Variants in BTBD7 observed in about 807,000 individuals in gnomAD.
BTBD7 encodes BTB/POZ domain-containing protein 7.
BTBD7 carries 38 observed loss-of-function variants against 99.9 expected under a neutral mutation model. The observed-to-expected ratio is 0.38, with a 90% CI of 0.29 to 0.50. The LOEUF (loss-of-function observed/expected upper bound fraction) is 0.50. BTBD7 is among the 20% of genes least tolerant of loss of function. BTBD7 has a pLI of 0.93. For synonymous variants in BTBD7, 520 were observed against 511.4 expected (o/e 1.02, Z -0.23); for missense variants, 1,170 against 1,394.6 (o/e 0.84, Z 2.57).
At chr14:93,279,058 G>T (rs1243950513) in intron 3 of BTBD7, among the ~76,000 whole-genome samples, 1 of 152,216 alleles carries the variant, frequency 6.6e-6, no homozygotes, top group African/African-American at 2.4e-5. Flanking sequence ...ACTTACAGCA[G>T]AATGTATGTA....
intron 9 of BTBD7, among the ~76,000 whole-genome samples, chr14:93,247,742 G>A (rs1037599345): frequency 6.6e-6 from 1 of 152,186 alleles, no homozygotes; most frequent in African/African-American, 2.4e-5. Flanking sequence ...TTTATTTAAG[G>A]CTCTGATTTA....
intron 5 of BTBD7, among the ~76,000 whole-genome samples, chr14:93,261,104 T>TG (rs201615270): frequency 0.012 from 1,897 of 152,348 alleles, 19 homozygotes; most frequent in Middle Eastern, 0.031. Context: ...TTGGCCAGGC[T>TG]GGTCTCAAAC....
intron 1 of BTBD7, among the ~76,000 whole-genome samples, chr14:93,319,381 T>C (rs1029328931): frequency 5.3e-5 from 8 of 152,154 alleles, no homozygotes; most frequent in African/African-American, 1.9e-4. Context: ...TAAATATCCA[T>C]TGACAGATGA....
intron 3 of BTBD7, among the ~76,000 whole-genome samples, chr14:93,279,684 A>G (rs993448790): frequency 3.6e-4 from 55 of 152,142 alleles, no homozygotes; most frequent in African/African-American, 1.3e-3. Context: ...AGCAGCTGGG[A>G]TTACAGGTGC....
At chr14:93,328,497 A>G (rs933974393) in intron 1 of BTBD7, among the ~76,000 whole-genome samples, 1 of 152,036 alleles carries the variant, frequency 6.6e-6, no homozygotes, top group African/African-American at 2.4e-5. Flanking sequence ...TGCCAAGACC[A>G]TTTAATGGGA....
intron 1 of BTBD7, among the ~76,000 whole-genome samples, chr14:93,325,370 C>A (rs960026870): frequency 1.3e-5 from 2 of 152,018 alleles, no homozygotes; most frequent in Non-Finnish European, 2.9e-5. Context: ...TCAGGTGATC[C>A]GCCCACCTCA....
At chr14:93,247,957 G>T (rs745496683) in intron 9 of BTBD7, among the ~76,000 whole-genome samples, 2 of 152,200 alleles carry the variant, frequency 1.3e-5, no homozygotes, top group African/African-American at 4.8e-5. Flanking sequence ...AAACGAAAGT[G>T]GGCATGTGAA....
In BTBD7 at chr14:93,287,182, T is replaced by C. The variant is rs554777290; in HGVS notation, c.1162+6676A>G. Among the ~76,000 whole-genome samples the C allele has an allele frequency of 7.6e-4, 114 of 150,842 alleles. 1 individual carries two copies. The highest frequency in any genetic ancestry group is 2.9e-3 in the East Asian group (15 of 5,132). Reference sequence around the variant, plus strand: ...AGGCAGAGGTTGCAATGAGCCAAGATTGGGCCATTGCACTCTAGCCTGGGC... The same window carrying C: ...AGGCAGAGGTTGCAATGAGCCAAGACTGGGCCATTGCACTCTAGCCTGGGC... On this transcript the variant is annotated intron_variant, in intron 3 of 10. Transcript: ENST00000334746.
rs1222080094 is a variant in BTBD7 at position 93,240,347 on chromosome 14, T to C, written c.*1926A>G. ...TGTTCGGCTTTTCTAAAATGTCAGA[T>C]TATTCCTGAGTGTATATCCACAGGG... is the stretch of plus-strand genomic sequence containing the variant. On this transcript the variant is annotated 3_prime_UTR_variant, in exon 11 of 11. Coordinates refer to ENST00000334746, the MANE Select transcript of BTBD7 (RefSeq NM_001002860.4). 2 of 152,634 alleles carry C rather than the reference T, an allele frequency of 1.3e-5. No individual in the cohort carries two copies. The highest frequency in any genetic ancestry group is 4.8e-5 in the African/African-American group (2 of 41,452). The allele number at this position is 152,634 out of a possible 1,614,324, so 9.5% of individuals were successfully genotyped here.
At chr14:93,270,923 C>T (rs934560362) in intron 3 of BTBD7, among the ~76,000 whole-genome samples, 8 of 152,146 alleles carry the variant, frequency 5.3e-5, no homozygotes, top group Admixed American at 1.3e-4. Context: ...TAATCCTTTC[C>T]TCTATTCTCT....
intron 1 of BTBD7, among the ~76,000 whole-genome samples, chr14:93,328,611 TAAAAAAAAAAAAA>T (rs57161505): frequency 2.0e-5 from 2 of 101,868 alleles, no homozygotes; most frequent in South Asian, 3.4e-4. Flanking sequence ...TAAAATTCTT[TAAAAAAAAAAAAA>T]AAAAAAAAAA....
rs1369422569 is a variant in BTBD7 at position 93,296,101 on chromosome 14, C to T, written c.-50G>A. 1 of 1,590,834 alleles carries T rather than the reference C, an allele frequency of 6.3e-7. No individual in the cohort carries two copies. Among genetic ancestry groups the T allele is most frequent in the Non-Finnish European group, 8.6e-7 (1 of 1,167,656 alleles). ...GTCTGCGGGTTCTTCAGAGTATAATCCCAGAGGCCTTTATGAACCTTCAAC... is the reference window on the plus strand; with the variant it reads ...GTCTGCGGGTTCTTCAGAGTATAATTCCAGAGGCCTTTATGAACCTTCAAC... On this transcript the variant is annotated 5_prime_UTR_variant, in exon 2 of 11. Coordinates refer to ENST00000334746, the MANE Select transcript of BTBD7 (RefSeq NM_001002860.4).
chr14:93,269,006 G>A (rs1255202247), intron 3 of BTBD7, among the ~76,000 whole-genome samples: 4 of 151,998 alleles, frequency 2.6e-5, no homozygotes, highest in Admixed American at 6.6e-5. Context: ...TGATCCGCCC[G>A]CCTCGGCCAC....
At chr14:93,287,864 C>T (rs2052798841) in intron 3 of BTBD7, 1 of 152,276 alleles carries the variant, frequency 6.6e-6, no homozygotes, top group African/African-American at 2.4e-5. Flanking sequence ...GGAATACATT[C>T]CCAGCAGCTG....
At chr14:93,289,566 A>G (rs1162318784) in intron 3 of BTBD7, among the ~76,000 whole-genome samples, 2 of 152,210 alleles carry the variant, frequency 1.3e-5, no homozygotes, top group Admixed American at 6.5e-5. Context: ...AAAAATTTCA[A>G]CATCTTCCCC....
intron 1 of BTBD7, among the ~76,000 whole-genome samples, chr14:93,307,554 T>A (rs2053086047): frequency 6.6e-6 from 1 of 152,228 alleles, no homozygotes; most frequent in African/African-American, 2.4e-5. Context: ...CTGAGTTGTC[T>A]ACTTGAAAAG....
Position 93,332,819 on chromosome 14 carries a change from C to T in BTBD7, c.-107+1G>A. On this transcript the variant is annotated splice_donor_variant, in intron 1 of 10. Transcript: ENST00000334746. LOFTEE classifies it low-confidence loss of function (5UTR_SPLICE). ...CCTCAGAGACACCAAGGGACACTCA[C>T]CCCGGAGGCTCCTCCCGCCGCTGCT... 6.8e-7 allele frequency: 1 copy of T among 1,477,618 alleles called. No individual in the cohort carries two copies. Among genetic ancestry groups the T allele is most frequent in the Non-Finnish European group, 8.9e-7 (1 of 1,120,516 alleles). 91.5% of individuals were successfully genotyped at this position (1,477,618 alleles called of 1,614,324 possible).
At chr14:93,323,659 C>T (rs539783198) in intron 1 of BTBD7, among the ~76,000 whole-genome samples, 80 of 152,258 alleles carry the variant, frequency 5.3e-4, no homozygotes, top group African/African-American at 1.8e-3. Flanking sequence ...TTGCTCCTTC[C>T]GTAAAGGACT....
At chr14:93,325,319 A>C (rs1416634991) in intron 1 of BTBD7, among the ~76,000 whole-genome samples, 1 of 151,368 alleles carries the variant, frequency 6.6e-6, no homozygotes, top group East Asian at 1.9e-4. Context: ...CATGTTGGCC[A>C]GACTGGTCTT....
Sources: allele counts gnomAD v4.1 joint callset (sites outside exome capture counted in the v4.1 genomes callset), GRCh38; gene constraint gnomAD v4.1.1; transcripts MANE v1.5; gene names NCBI Gene and HGNC (gene_info 2026-07-23, HGNC 2026-07-21).